COBLL1: variants seen among roughly 807,000 people sequenced by gnomAD.
COBLL1 encodes the protein cordon-bleu protein-like 1.
In COBLL1, 50 loss-of-function variants were observed where a neutral mutation model predicts 94.8. The ratio of observed to expected loss-of-function variants is 0.53; its 90% confidence interval spans 0.42 to 0.67. COBLL1 has a LOEUF of 0.67. COBLL1 is among the 30% of genes least tolerant of loss of function. The pLI is 0.00. For synonymous variants in COBLL1, 448 were observed against 473.8 expected, an observed-to-expected ratio of 0.95 and a Z score of 0.71; for missense variants, 1,362 against 1,348.7, an observed-to-expected ratio of 1.01 and a Z score of -0.15.
chr2:164,803,310 A>C (rs1442992556), intron 2 of COBLL1, among the ~76,000 whole-genome samples: 1 of 152,154 alleles, frequency 6.6e-6, no homozygotes, highest in African/African-American at 2.4e-5. Context: ...TCACGCCTGT[A>C]ATCCCAGCAC....
Position 164,695,220 on chromosome 2 carries a change from C to T in COBLL1, c.2172G>A (p.Glu724=). Residue 724 remains glutamate, a synonymous_variant, in exon 12 of 14, where the codon GAG becomes GAA. Coordinates refer to ENST00000652658, the MANE Select transcript of COBLL1 (RefSeq NM_001365672.2). The stretch of plus-strand genomic sequence containing the variant: ...TAGTCATGCCAATTTTGGGTATATA[C>T]TCTCGTGTAATTTCATTTGAAGGTT... ...KPKPSNEITR[E]YIPKIGMTTY... 5 of 1,613,858 alleles carry T rather than the reference C, an allele frequency of 3.1e-6. No homozygotes were observed. The South Asian group carries it at 3.3e-5, about 11-fold the overall frequency.
intron 5 of COBLL1, chr2:164,727,182 GT>G: frequency 3.3e-6 from 4 of 1,227,060 alleles, no homozygotes; most frequent in Non-Finnish European, 4.6e-6. Context: ...TAAATTGACT[GT>G]GAAGATGATG....
chr2:164,726,603 A>G (rs949107293), intron 5 of COBLL1, among the ~76,000 whole-genome samples: 2 of 152,164 alleles, frequency 1.3e-5, no homozygotes, highest in African/African-American at 4.8e-5. Context: ...TTCATATAAA[A>G]GCATTTATTC....
At chr2:164,754,312 C>T (rs1337683033) in intron 2 of COBLL1, among the ~76,000 whole-genome samples, 1 of 152,154 alleles carries the variant, frequency 6.6e-6, no homozygotes, top group Admixed American at 6.6e-5. Flanking sequence ...AGTCTCCTCC[C>T]TTTGTACGTG....
intron 2 of COBLL1, among the ~76,000 whole-genome samples, chr2:164,662,435 C>T (rs889663382): frequency 5.3e-5 from 8 of 152,160 alleles, no homozygotes; most frequent in Non-Finnish European, 1.2e-4. Flanking sequence ...ATAAATGGCT[C>T]CTTTCAAAGA....
At chr2:164,707,150 A>ATTT (rs532354553) in intron 7 of COBLL1, among the ~76,000 whole-genome samples, 5 of 147,010 alleles carry the variant, frequency 3.4e-5, no homozygotes, top group Non-Finnish European at 7.5e-5. Context: ...CTCAAAAGTC[A>ATTT]TTTTTTTTTT....
chr2:164,747,938 A>C (rs758368817), intron 2 of COBLL1, among the ~76,000 whole-genome samples: 1 of 152,204 alleles, frequency 6.6e-6, no homozygotes, highest in South Asian at 2.1e-4. Context: ...TGCAATGCAT[A>C]ATTACATAAT....
intron 9 of COBLL1, 50 bp downstream of exon 9, chr2:164,704,394 A>G (rs1357907153): frequency 2.6e-5 from 31 of 1,200,844 alleles, no homozygotes; most frequent in Non-Finnish European, 3.6e-5. Context: ...CTCAATTATC[A>G]TGGACGTCCT....
At chr2:164,699,999 T>G (rs1684166162) in intron 10 of COBLL1, among the ~76,000 whole-genome samples, 1 of 152,074 alleles carries the variant, frequency 6.6e-6, no homozygotes, top group African/African-American at 2.4e-5. Context: ...GTTGATTTCA[T>G]CTTTATCCAT....
Position 164,806,507 on chromosome 2 carries a change from A to G in COBLL1, c.41+34649T>C, listed in dbSNP as rs552219800. On this transcript the variant is annotated intron_variant, in intron 2 of 13. Transcript: ENST00000652658. ...GAAATGTACTCACTATGTAAAATAA[A>G]CTCAAGCTTCCTGGCTTCTTTTATG... Among the ~76,000 whole-genome samples, 4 of 152,270 alleles carry G rather than the reference A, an allele frequency of 2.6e-5. No individual in the cohort carries two copies. The South Asian group carries it at 8.3e-4, about 32-fold the overall frequency.
chr2:164,714,108 G>T (rs1242025476), intron 7 of COBLL1, among the ~76,000 whole-genome samples: 1 of 151,510 alleles, frequency 6.6e-6, no homozygotes, highest in Non-Finnish European at 1.5e-5. Flanking sequence ...CTCAGGCCAG[G>T]TCAGGACTTC....
At chr2:164,779,185 G>A (rs529576505) in intron 2 of COBLL1, among the ~76,000 whole-genome samples, 44 of 152,208 alleles carry the variant, frequency 2.9e-4, no homozygotes, top group African/African-American at 9.6e-4. Flanking sequence ...CTAAGTAGGG[G>A]TAGGAAAATT....
intron 5 of COBLL1, chr2:164,727,198 T>C: frequency 9.7e-7 from 1 of 1,029,738 alleles, no homozygotes; most frequent in Non-Finnish European, 1.4e-6. Flanking sequence ...ATGATGTTTG[T>C]TCAAGTATAA....
intron 2 of COBLL1, among the ~76,000 whole-genome samples, chr2:164,828,045 T>C (rs1207523537): frequency 6.6e-6 from 1 of 152,096 alleles, no homozygotes; most frequent in East Asian, 1.9e-4. Context: ...AATAGTAATT[T>C]TAATGGTGTG....
At chr2:164,754,864 C>G (rs1040196582) in intron 2 of COBLL1, among the ~76,000 whole-genome samples, 11 of 152,140 alleles carry the variant, frequency 7.2e-5, no homozygotes, top group African/African-American at 2.7e-4. Flanking sequence ...TGAAGTAGAG[C>G]AAATCCAAAG....
At chr2:164,753,348 C>T (rs1220317927) in intron 2 of COBLL1, among the ~76,000 whole-genome samples, 1 of 152,162 alleles carries the variant, frequency 6.6e-6, no homozygotes, top group African/African-American at 2.4e-5. Context: ...AGGCTTTCTG[C>T]CCCCATAGCA....
At chr2:164,777,051 A>G (rs1184875505) in intron 2 of COBLL1, among the ~76,000 whole-genome samples, 1 of 152,122 alleles carries the variant, frequency 6.6e-6, no homozygotes, top group Non-Finnish European at 1.5e-5. Context: ...TAATACTAAA[A>G]TTAGTGATTA....
chr2:164,747,086 T>G (rs1400630384), intron 2 of COBLL1, among the ~76,000 whole-genome samples: 1 of 142,766 alleles, frequency 7.0e-6, no homozygotes, highest in Non-Finnish European at 1.5e-5. Context: ...CAATGACTAC[T>G]TTCCACAGAA....
rs1683578752 is a variant in COBLL1 at position 164,841,100 on chromosome 2, T to TGTCCTCGCCGGCCTCGCCCTCCCC, written c.41+32_41+55dup. 8.1e-7 allele frequency: 1 copy of TGTCCTCGCCGGCCTCGCCCTCCCC among 1,227,308 alleles called. No homozygotes were observed. Among genetic ancestry groups the TGTCCTCGCCGGCCTCGCCCTCCCC allele is most frequent in the East Asian group, 3.2e-5 (1 of 31,476 alleles). 76.0% of individuals were successfully genotyped at this position (1,227,308 alleles called of 1,614,324 possible). A position where few individuals can be genotyped will look rare whatever the true frequency, so the allele number is the denominator to read the frequency against. On this transcript the variant is annotated intron_variant, in intron 2 of 13. Transcript: ENST00000652658. This position sits in a 1 kb window ranked among gnomAD's most constrained non-coding sequence, Gnocchi z 5.5. ...CCAGGTGAAACGGCCGAGGCCTCGC[T>TGTCCTCGCCGGCCTCGCCCTCCCC]GTCCTCGCCGGCCTCGCCCTCCCCG...
Sources: allele counts gnomAD v4.1 joint callset (sites outside exome capture counted in the v4.1 genomes callset), GRCh38; gene constraint gnomAD v4.1.1; non-coding constraint Gnocchi (gnomAD v3.1); transcripts MANE v1.5; gene names NCBI Gene and HGNC (gene_info 2026-07-23, HGNC 2026-07-21).